The following NSD3 variants were observed in gnomAD, a reference collection of about 807,000 sequenced individuals.
The protein encoded by NSD3 is nuclear receptor binding SET domain protein 3.
In NSD3, 24 loss-of-function variants were observed where a neutral mutation model predicts 160.8. The ratio of observed to expected loss-of-function variants is 0.15; its 90% confidence interval spans 0.11 to 0.21. NSD3 has a LOEUF of 0.21. NSD3 is among the 10% of genes least tolerant of loss of function. NSD3 has a pLI of 1.00. For synonymous variants in NSD3, 520 were observed against 600.0 expected (o/e 0.87, Z 1.95); for missense variants, 1,157 against 1,735.9 (o/e 0.67, Z 5.93).
In NSD3 at chr8:38,321,101, C is replaced by T. The variant is rs1205980649; in HGVS notation, c.1780G>A (p.Val594Met). ...RSESEKSTEV[V>M]PKKKIKKEQV... is the part of the protein sequence containing the mutation. ...TCCTTTTTGATCTTCTTCTTTGGCA[C>T]AACCTCAGTGGATTTCTCTGATTCA... Residue 594 changes from valine (V) to methionine (M), a missense_variant, in exon 8 of 24, where the codon GTG (valine) becomes ATG (methionine). This residue lies in a region of NSD3 where 102 missense variants were observed against 126.5 expected (regional missense o/e 0.81). Transcript: ENST00000317025. This position sits in a 1 kb window ranked among gnomAD's most constrained non-coding sequence, Gnocchi z 4.7. 6.2e-7 allele frequency: 1 copy of T among 1,613,446 alleles called. No homozygotes were observed. The highest frequency in any genetic ancestry group is 8.5e-7 in the Non-Finnish European group (1 of 1,179,900).
At chr8:38,354,324 A>G (rs1810771500) in intron 1 of NSD3, among the ~76,000 whole-genome samples, 1 of 152,242 alleles carries the variant, frequency 6.6e-6, no homozygotes, top group Admixed American at 6.5e-5. Flanking sequence ...ACTATTCTAG[A>G]TTAAAAGAGA....
Position 38,275,800 on chromosome 8 carries a change from A to G in NSD3, c.4155T>C (p.Phe1385=). 1 of 1,614,170 alleles carries G rather than the reference A, an allele frequency of 6.2e-7. No individual in the cohort carries two copies. Among genetic ancestry groups the G allele is most frequent in the African/African-American group, 1.3e-5 (1 of 75,044 alleles). The change falls in exon 24 of 24, where the codon TTT becomes TTC. Residue 1385 remains phenylalanine (F), a synonymous_variant. Coordinates refer to ENST00000317025, the MANE Select transcript of NSD3 (RefSeq NM_023034.2). ...GGGCCCCCTTTTCATGATCTTTACA[A>G]AATGAATGTGGACAGAATTCACAGA... ...VSFCEFCPHS[F]CKDHEKGALV...
chr8:38,353,578 C>CA (rs1202958756), intron 1 of NSD3, among the ~76,000 whole-genome samples: 3 of 152,066 alleles, frequency 2.0e-5, no homozygotes, highest in Non-Finnish European at 4.4e-5. Flanking sequence ...GTTTCAAACA[C>CA]AAAAAGTTTT....
At chr8:38,279,705 CT>C in intron 20 of NSD3, 24 bp from the exon 21 acceptor site, 1 of 1,601,700 alleles carries the variant, frequency 6.2e-7, no homozygotes. Context: ...AGAAAAGTAC[CT>C]TTTACATAAA....
At chr8:38,276,723 T>C in intron 22 of NSD3, 2 of 540,892 alleles carry the variant, frequency 3.7e-6, no homozygotes, top group Non-Finnish European at 6.5e-6. Context: ...CTCGCTCTGT[T>C]GTCCAGGCTG....
chr8:38,331,468 G>A lies in NSD3; in HGVS notation c.1028C>T (p.Ala343Val). Residue 343 changes from alanine to valine, a missense_variant, in exon 5 of 24, where the codon GCA becomes GTA. Transcript: ENST00000317025. ...HKQYEELLAE[A>V]TKQASNHSEK... ...AGAGTGATTGCTGGCTTGTTTGGTT[G>A]CCTCAGCCAGTAATTCTTCATACTG... 1 of 1,606,976 alleles carries A rather than the reference G, an allele frequency of 6.2e-7. No individual in the cohort carries two copies. Among genetic ancestry groups the A allele is most frequent in the South Asian group, 1.1e-5 (1 of 89,242 alleles).
chr8:38,322,337 T>C (rs1205954552), intron 7 of NSD3, among the ~76,000 whole-genome samples: 3 of 152,148 alleles, frequency 2.0e-5, no homozygotes, highest in African/African-American at 4.8e-5. Context: ...AATAAAGGTA[T>C]TGGCTCCTTT....
At chr8:38,351,617 C>T (rs576714046) in intron 1 of NSD3, among the ~76,000 whole-genome samples, 11 of 150,356 alleles carry the variant, frequency 7.3e-5, no homozygotes, top group Admixed American at 4.6e-4. Context: ...GAGCAGAGAT[C>T]GCACCATTGC....
At chr8:38,311,369 C>A (rs943384984) in intron 12 of NSD3, among the ~76,000 whole-genome samples, 1 of 151,918 alleles carries the variant, frequency 6.6e-6, no homozygotes, top group Non-Finnish European at 1.5e-5. Context: ...CTCTTGTTGC[C>A]CAGGCTGGAG....
intron 4 of NSD3, among the ~76,000 whole-genome samples, chr8:38,334,326 G>A (rs1051380211): frequency 7.9e-5 from 12 of 152,204 alleles, no homozygotes; most frequent in African/African-American, 2.4e-4. Flanking sequence ...GCTGCTTAGC[G>A]GGTAGAAATG....
intron 13 of NSD3, among the ~76,000 whole-genome samples, 159 bp from the exon 14 acceptor site, chr8:38,304,916 T>C (rs929431959): frequency 6.6e-6 from 1 of 152,204 alleles, no homozygotes; most frequent in Non-Finnish European, 1.5e-5. Flanking sequence ...TCCTATGCTA[T>C]ATGGCCCCTA....
At chr8:38,335,212 T>G (rs1473306815) in intron 4 of NSD3, among the ~76,000 whole-genome samples, 1 of 152,166 alleles carries the variant, frequency 6.6e-6, no homozygotes, top group African/African-American at 2.4e-5. Context: ...GGTCTTGAAC[T>G]CCTAACCTCA....
chr8:38,332,759 G>A (rs1273132280), intron 4 of NSD3, among the ~76,000 whole-genome samples: 4 of 151,620 alleles, frequency 2.6e-5, no homozygotes, highest in Admixed American at 1.3e-4. Context: ...ATTAAGTTTG[G>A]TTGTATTTTA....
chr8:38,340,119 T>A (rs1810324873), intron 2 of NSD3, among the ~76,000 whole-genome samples: 1 of 152,140 alleles, frequency 6.6e-6, no homozygotes, highest in South Asian at 2.1e-4. Context: ...AAATTACTTC[T>A]ACAATTTAAA....
intron 12 of NSD3, among the ~76,000 whole-genome samples, chr8:38,313,787 C>CA (rs547027189): frequency 0.06 from 3,886 of 65,044 alleles, 64 homozygotes; most frequent in Non-Finnish European, 0.078. Flanking sequence ...GACTCTGTCT[C>CA]AAAAAAAAAA....
At chr8:38,330,031 T>A (rs766814308) in intron 5 of NSD3, 138 bp from the exon 6 acceptor site, 52 of 960,480 alleles carry the variant, frequency 5.4e-5, no homozygotes, top group Non-Finnish European at 7.8e-5. Flanking sequence ...ACAAGTGGAA[T>A]GTTCTATCTC....
At chr8:38,281,855 G>T (rs1032208633) in intron 19 of NSD3, among the ~76,000 whole-genome samples, 1 of 152,278 alleles carries the variant, frequency 6.6e-6, no homozygotes, top group African/African-American at 2.4e-5. Context: ...GGGATCTGGG[G>T]ATAAAGCTAA....
chr8:38,373,934 CAA>C (rs61532119), intron 1 of NSD3, among the ~76,000 whole-genome samples: 641 of 25,054 alleles, frequency 0.026, 2 homozygotes, highest in African/African-American at 0.084. Flanking sequence ...TCTGTCTCTA[CAA>C]AAAAAAAAAA....
At position 38,331,614 on chromosome 8, in the gene NSD3, T is replaced by C. The variant is rs188320599; in HGVS notation, c.911-29A>G. ...TAAGTAAAAATTCTTATTAACCATT[T>C]CAGAACATAAGCATTCACATCTACT... On this transcript the variant is annotated intron_variant, in intron 4 of 23. Transcript: ENST00000317025. 2.4e-3 allele frequency: 3,798 copies of C among 1,608,940 alleles called. 10 individuals carry two copies. Among genetic ancestry groups the C allele is most frequent in the Non-Finnish European group, 2.7e-3 (3,127 of 1,178,054 alleles).
Sources: gnomAD v4.1 joint callset for allele counts (sites outside exome capture counted in the v4.1 genomes callset) on GRCh38, gnomAD v4.1.1 for gene constraint, gnomAD v4.1.1 regional missense constraint, Gnocchi (gnomAD v3.1) non-coding constraint, MANE v1.5 for transcripts, NCBI Gene and HGNC (gene_info 2026-07-23, HGNC 2026-07-21) for gene names.